Variants in TAF1B observed in about 807,000 individuals in gnomAD.
TAF1B encodes TATA box-binding protein-associated factor RNA polymerase I subunit B.
Under a neutral mutation model 83.9 loss-of-function variants are expected in TAF1B, and 61 were observed. That is an observed-to-expected ratio of 0.73 (90% CI 0.59 to 0.90). The LOEUF (loss-of-function observed/expected upper bound fraction) is 0.90, where lower values mean the gene tolerates loss of function less well. TAF1B is among the 40% of genes least tolerant of loss of function. The probability of loss-of-function intolerance (pLI) is 0.00; values close to 1 mark genes in which losing one functional copy is unlikely to be tolerated. For missense variants in TAF1B, 625 were observed against 677.0 expected (o/e 0.92, Z 0.85); for synonymous variants, 221 against 224.6 (o/e 0.98, Z 0.14).
intron 8 of TAF1B, among the ~76,000 whole-genome samples, chr2:9,903,121 T>C (rs408987): frequency 0.28 from 42,422 of 152,100 alleles, 6,903 homozygotes; most frequent in Middle Eastern, 0.4. Flanking sequence ...AGTCTGGCTC[T>C]GTCGCCCAGG....
intron 2 of TAF1B, among the ~76,000 whole-genome samples, chr2:9,847,896 G>T (rs575647366): frequency 5.9e-5 from 9 of 152,166 alleles, no homozygotes; most frequent in Non-Finnish European, 1.2e-4. Flanking sequence ...TGTGAGTGCT[G>T]TTCAATCTTC....
At chr2:9,931,996 G>A (rs1330790479) in intron 14 of TAF1B, among the ~76,000 whole-genome samples, 2 of 152,130 alleles carry the variant, frequency 1.3e-5, no homozygotes, top group East Asian at 1.9e-4. Context: ...TAGTTCTCAT[G>A]CCATGGTTTT....
intron 1 of TAF1B, 24 bp downstream of exon 1, chr2:9,843,583 G>A (rs750147254): frequency 2.0e-6 from 3 of 1,506,462 alleles, no homozygotes; most frequent in Non-Finnish European, 2.7e-6. Context: ...GCACCTGGCG[G>A]GCCACGATCG....
chr2:9,920,179 C>T (rs1301308314), intron 14 of TAF1B, among the ~76,000 whole-genome samples: 2 of 152,054 alleles, frequency 1.3e-5, no homozygotes, highest in Non-Finnish European at 2.9e-5. Flanking sequence ...TAAGTATTTC[C>T]TAAAAATAAG....
chr2:9,856,534 G>C lies in TAF1B; in HGVS notation c.399+2113G>C, dbSNP rs151155534. Among the ~76,000 whole-genome samples the C allele has an allele frequency of 3.8e-4, 58 of 152,224 alleles. 1 individual carries two copies. The highest frequency in any genetic ancestry group is 1.3e-3 in the African/African-American group (55 of 41,552). On this transcript the variant is annotated intron_variant, in intron 5 of 14. Transcript: ENST00000263663. ...GGTTCTAAGGTAACACTTTGAAAAAGAAAGGAAAGAATTGCCTAAACTACT... is the reference window on the plus strand; with the variant it reads ...GGTTCTAAGGTAACACTTTGAAAAACAAAGGAAAGAATTGCCTAAACTACT...
At chr2:9,906,687 A>G (rs1665353686) in intron 9 of TAF1B, among the ~76,000 whole-genome samples, 1 of 152,234 alleles carries the variant, frequency 6.6e-6, no homozygotes, top group Admixed American at 6.5e-5. Flanking sequence ...AAAATTATGT[A>G]TAACGTAACC....
At chr2:9,908,194 C>T (rs1448746153) in intron 9 of TAF1B, among the ~76,000 whole-genome samples, 10 of 151,432 alleles carry the variant, frequency 6.6e-5, no homozygotes, top group Non-Finnish European at 1.0e-4. Context: ...TACAGGCGCC[C>T]GCCACCACGC....
chr2:9,878,274 T>A lies in TAF1B; in HGVS notation c.707+2256T>A, dbSNP rs190882798. Among the ~76,000 whole-genome samples, 3 of 151,774 alleles carry A rather than the reference T, an allele frequency of 2.0e-5. No individual in the cohort carries two copies. In the East Asian group the frequency reaches 5.8e-4, roughly 29 times the overall value. ...ATTTTTTCGTAGAGCTGGGGTCTTGTGATGTTGCCCAAGTTGGTCTCAAAC... is the reference window on the plus strand; with the variant it reads ...ATTTTTTCGTAGAGCTGGGGTCTTGAGATGTTGCCCAAGTTGGTCTCAAAC... On this transcript the variant is annotated intron_variant, in intron 7 of 14. Transcript: ENST00000263663.
chr2:9,913,050 A>G lies in TAF1B; in HGVS notation c.1181-109A>G, dbSNP rs1345664558. 6.0e-6 allele frequency: 5 copies of G among 832,246 alleles called. No individual in the cohort carries two copies. The African/African-American group carries it at 6.9e-5, about 11-fold the overall frequency. The allele number at this position is 832,246 out of a possible 1,614,324, so 51.6% of individuals were successfully genotyped here. On this transcript the variant is annotated intron_variant, in intron 11 of 14. Coordinates refer to ENST00000263663, the MANE Select transcript of TAF1B (RefSeq NM_005680.3). Reference sequence around the variant, plus strand: ...TCTAATGTCTACATCTTGATCACACACTCACACCAACTGCCCAGTGCAGTC... The same window carrying G: ...TCTAATGTCTACATCTTGATCACACGCTCACACCAACTGCCCAGTGCAGTC...
intron 8 of TAF1B, among the ~76,000 whole-genome samples, chr2:9,889,192 T>C (rs1558252049): frequency 1.3e-5 from 2 of 152,080 alleles, no homozygotes; most frequent in Admixed American, 6.5e-5. Context: ...TTAAATTTTT[T>C]TGGCCTCCCC....
chr2:9,858,139 G>C (rs1212236597), intron 5 of TAF1B, among the ~76,000 whole-genome samples: 6 of 152,212 alleles, frequency 3.9e-5, no homozygotes, highest in Admixed American at 3.9e-4. Context: ...AAACAAGTTA[G>C]TTACTTCCAA....
chr2:9,875,994 C>G lies in TAF1B; in HGVS notation c.683C>G (p.Ala228Gly), dbSNP rs752285375. ...CTGTCCTTACTTTGGCAGAGAGAAG[C>G]AATAACACTTTCAGATCTTTTGAGG... ...CYLSLLWQRE[A>G]ITLSDLLRFV... is the part of the protein sequence containing the mutation. The change falls in exon 7 of 15, where the codon GCA becomes GGA. Residue 228 changes from alanine (A) to glycine (G), a missense_variant. Ala to Gly is a moderately conservative substitution (Grantham distance 60). Coordinates refer to ENST00000263663, the MANE Select transcript of TAF1B (RefSeq NM_005680.3). 6.2e-7 allele frequency: 1 copy of G among 1,611,436 alleles called. No homozygotes were observed. Among genetic ancestry groups the G allele is most frequent in the South Asian group, 1.1e-5 (1 of 90,798 alleles).
intron 8 of TAF1B, among the ~76,000 whole-genome samples, chr2:9,883,164 A>G (rs1428595192): frequency 6.6e-6 from 1 of 152,226 alleles, no homozygotes; most frequent in Non-Finnish European, 1.5e-5. Flanking sequence ...TTGCTATGGA[A>G]GAAAGAGAAG....
At chr2:9,913,903 C>G (rs1665606903) in intron 12 of TAF1B, among the ~76,000 whole-genome samples, 1 of 152,100 alleles carries the variant, frequency 6.6e-6, no homozygotes, top group African/African-American at 2.4e-5. Context: ...CTCTTTGAGG[C>G]TTTGAAGAAA....
chr2:9,891,010 G>C (rs1270874518), intron 8 of TAF1B, among the ~76,000 whole-genome samples: 4 of 152,218 alleles, frequency 2.6e-5, no homozygotes, highest in African/African-American at 4.8e-5. Context: ...GACCTCAGGT[G>C]ATCCACCCGC....
intron 11 of TAF1B, among the ~76,000 whole-genome samples, 195 bp downstream of exon 11, chr2:9,911,752 GA>G (rs1233613512): frequency 6.6e-6 from 1 of 151,994 alleles, no homozygotes; most frequent in Non-Finnish European, 1.5e-5. Flanking sequence ...AAATATCAGT[GA>G]GTCCGTATTA....
At chr2:9,886,685 G>T (rs188544456) in intron 8 of TAF1B, among the ~76,000 whole-genome samples, 9 of 149,504 alleles carry the variant, frequency 6.0e-5, no homozygotes, top group East Asian at 5.8e-4. Flanking sequence ...GAGAGAGAGA[G>T]ATATAATACA....
rs532765125 is a variant in TAF1B at position 9,876,547 on chromosome 2, T to G, written c.707+529T>G. Among the ~76,000 whole-genome samples the G allele has an allele frequency of 7.4e-4, 112 of 152,230 alleles. 3 individuals carry two copies. Among genetic ancestry groups the G allele is most frequent in the Non-Finnish European group, 1.5e-4 (10 of 68,034 alleles). On this transcript the variant is annotated intron_variant, in intron 7 of 14. Coordinates refer to ENST00000263663, the MANE Select transcript of TAF1B (RefSeq NM_005680.3). ...CAGAGTGTTTTGGTTAATGAATAAA[T>G]TACAGTTTTATGTGTAAGAATTTCT...
intron 5 of TAF1B, among the ~76,000 whole-genome samples, chr2:9,865,691 C>G (rs376452652): frequency 0.044 from 6,654 of 151,908 alleles, 190 homozygotes; most frequent in Non-Finnish European, 0.066. Context: ...AACTATACTA[C>G]AAGGCTACAG....
Sources: gnomAD v4.1 joint callset for allele counts (sites outside exome capture counted in the v4.1 genomes callset) on GRCh38, gnomAD v4.1.1 for gene constraint, MANE v1.5 for transcripts, NCBI Gene and HGNC (gene_info 2026-07-23, HGNC 2026-07-21) for gene names.